Variants in EYS observed in about 807,000 individuals in gnomAD.
The protein encoded by EYS is protein eyes shut homolog.
EYS carries 250 observed loss-of-function variants against 282.1 expected under a neutral mutation model. The observed-to-expected ratio is 0.89, with a 90% confidence interval of 0.80 to 0.98. EYS has a LOEUF of 0.98. Ranked by LOEUF, EYS falls within the 50% of genes least tolerant of loss-of-function variation. The pLI is 0.00. For missense variants in EYS, 4,016 were observed against 3,709.0 expected (o/e 1.08, Z -2.15); for synonymous variants, 1,355 against 1,282.9 (o/e 1.06, Z -1.20).
rs75831552 is a variant in EYS at position 64,590,823 on chromosome 6, C to A, written c.5044G>T (p.Asp1682Tyr). The change falls in exon 26 of 43, where the codon GAT becomes TAT. Residue 1682 changes from aspartate to tyrosine, a missense_variant. By Grantham distance (160) the Asp-to-Tyr change is radical. Coordinates refer to ENST00000503581, the MANE Select transcript of EYS (RefSeq NM_001142800.2). The part of the protein sequence containing the change: ...QTISSDLMNS[D>Y]LTSKMTTDEL... ...TCAGTAGTCATTTTTGAAGTCAAAT[C>A]AGAATTCATCAAGTCTGAAGAGATA... 1.9e-3 allele frequency: 2,894 copies of A among 1,550,210 alleles called. 42 individuals carry two copies. The African/African-American group carries it at 0.035, about 19-fold the overall frequency.
chr6:64,434,244 T>C lies in EYS; in HGVS notation c.5927+1930A>G, dbSNP rs187112722. Among the ~76,000 whole-genome samples the C allele has an allele frequency of 1.6e-4, 25 of 152,184 alleles. No individual in the cohort carries two copies. In the East Asian group the frequency reaches 4.8e-3, roughly 29 times the overall value. Reference sequence around the variant, plus strand: ...AATCAAACCTGTTGTCATTTTGATCTCAGAATTGTGAGACTAAATTGCAAT... The same window carrying C: ...AATCAAACCTGTTGTCATTTTGATCCCAGAATTGTGAGACTAAATTGCAAT... On this transcript the variant is annotated intron_variant, in intron 28 of 42. Coordinates refer to ENST00000503581, the MANE Select transcript of EYS (RefSeq NM_001142800.2).
intron 22 of EYS, among the ~76,000 whole-genome samples, chr6:64,757,744 T>TTGTGTGTGTG (rs66825340): frequency 0.02 from 2,858 of 139,768 alleles, 29 homozygotes; most frequent in Non-Finnish European, 0.024. Flanking sequence ...CTTTTTTTCT[T>TTGTGTGTGTG]TGTGTGTGTG....
intron 22 of EYS, among the ~76,000 whole-genome samples, chr6:64,689,546 T>G (rs960213110): frequency 1.4e-4 from 22 of 152,100 alleles, no homozygotes; most frequent in African/African-American, 5.1e-4. Flanking sequence ...AGAACAAAGC[T>G]GGAGGCATCA....
intron 31 of EYS, among the ~76,000 whole-genome samples, chr6:64,131,909 T>C (rs1228322474): frequency 1.3e-5 from 2 of 152,188 alleles, no homozygotes; most frequent in Non-Finnish European, 2.9e-5. Context: ...GTAACATGAA[T>C]ATGACTAAAC....
At chr6:64,041,648 A>T (rs942473335) in intron 33 of EYS, among the ~76,000 whole-genome samples, 2 of 152,210 alleles carry the variant, frequency 1.3e-5, no homozygotes, top group African/African-American at 4.8e-5. Context: ...TTCAGAAGGC[A>T]ATAACAATCT....
rs151227325 is a variant in EYS, at chr6:65,500,300, A to G, written c.-332-4307T>C. On this transcript the variant is annotated intron_variant, in intron 2 of 42. Transcript: ENST00000503581. ...ATGATAAACAATCCTGGAGAACAATAATATTCAAGAGACAAGTGAAAGAAG... is the reference window on the plus strand; with the variant it reads ...ATGATAAACAATCCTGGAGAACAATGATATTCAAGAGACAAGTGAAAGAAG... Among the ~76,000 whole-genome samples, 53 of 152,152 alleles carry G rather than the reference A, an allele frequency of 3.5e-4. 1 individual carries two copies. In the East Asian group the frequency reaches 4.8e-3, roughly 14 times the overall value.
chr6:64,209,076 A>G (rs1489920247), intron 31 of EYS, among the ~76,000 whole-genome samples: 1 of 152,182 alleles, frequency 6.6e-6, no homozygotes, highest in Non-Finnish European at 1.5e-5. Context: ...CTATCTAAAA[A>G]TAATGAGCTA....
intron 5 of EYS, among the ~76,000 whole-genome samples, chr6:65,427,153 A>G (rs1166981280): frequency 6.6e-6 from 1 of 152,066 alleles, no homozygotes; most frequent in Admixed American, 6.6e-5. Context: ...TTCCACCTTC[A>G]TAAGTAGTCT....
chr6:65,240,992 C>T (rs1039493274), intron 12 of EYS, among the ~76,000 whole-genome samples: 4 of 151,996 alleles, frequency 2.6e-5, no homozygotes, highest in Non-Finnish European at 5.9e-5. Flanking sequence ...ACAGTGTTTT[C>T]CTAAAACATT....
intron 1 of EYS, among the ~76,000 whole-genome samples, chr6:65,699,841 G>A (rs1002677926): frequency 5.3e-5 from 8 of 152,070 alleles, no homozygotes; most frequent in East Asian, 1.9e-4. Context: ...CAGGCCGGGC[G>A]CGGTGGCTCA....
intron 5 of EYS, among the ~76,000 whole-genome samples, chr6:65,467,707 C>T (rs1053277893): frequency 6.6e-6 from 1 of 151,850 alleles, no homozygotes; most frequent in African/African-American, 2.4e-5. Context: ...TTTAATAATG[C>T]TTAATAACAT....
chr6:64,242,471 T>G (rs1265259075), intron 30 of EYS, among the ~76,000 whole-genome samples: 1 of 152,090 alleles, frequency 6.6e-6, no homozygotes, highest in African/African-American at 2.4e-5. Flanking sequence ...AAATACCCTC[T>G]ACATGTTTCA....
intron 33 of EYS, among the ~76,000 whole-genome samples, chr6:64,018,035 C>T (rs572650253): frequency 2.0e-4 from 30 of 152,270 alleles, no homozygotes; most frequent in African/African-American, 6.7e-4. Flanking sequence ...TTATTTATAA[C>T]CATGTCTTAT....
At chr6:64,429,447 A>G (rs747384489) in intron 28 of EYS, among the ~76,000 whole-genome samples, 1 of 152,176 alleles carries the variant, frequency 6.6e-6, no homozygotes, top group Non-Finnish European at 1.5e-5. Flanking sequence ...GCTGGCCAAC[A>G]TGGTGAAACT....
intron 2 of EYS, among the ~76,000 whole-genome samples, chr6:65,589,351 G>T (rs1237194864): frequency 6.6e-6 from 1 of 151,910 alleles, no homozygotes; most frequent in Non-Finnish European, 1.5e-5. Context: ...CTCTTCTTCA[G>T]CCTGTTTCGT....
Position 64,066,418 on chromosome 6 carries a change from C to T in EYS, c.6645G>A (p.Gly2215=), listed in dbSNP as rs376974348. 6.5e-7 allele frequency: 1 copy of T among 1,549,810 alleles called. No homozygotes were observed. The highest frequency in any genetic ancestry group is 1.4e-5 in the African/African-American group (1 of 73,092). ...TCAAAATATTTTGAGAATTTCCACACCCATATTTAACTGATGGCCTTCCTT... is the reference window on the plus strand; with the variant it reads ...TCAAAATATTTTGAGAATTTCCACATCCATATTTAACTGATGGCCTTCCTT... ...LVEGRPSVKY[G]CGNSQNILTV... Residue 2215 remains glycine, a synonymous_variant, in exon 33 of 43, where the codon GGG becomes GGA. Coordinates refer to ENST00000503581, the MANE Select transcript of EYS (RefSeq NM_001142800.2).
intron 24 of EYS, among the ~76,000 whole-genome samples, chr6:64,597,428 C>T (rs1766621731): frequency 6.6e-6 from 1 of 152,138 alleles, no homozygotes; most frequent in African/African-American, 2.4e-5. Context: ...ATGTTTATCA[C>T]AGCACCGTTC....
chr6:64,101,221 G>A (rs918494305), intron 31 of EYS, among the ~76,000 whole-genome samples: 4 of 151,498 alleles, frequency 2.6e-5, no homozygotes, highest in Non-Finnish European at 5.9e-5. Context: ...TTTTTTAGTG[G>A]GAAGGTTTTC....
chr6:64,436,992 G>T (rs1774772911), intron 27 of EYS, among the ~76,000 whole-genome samples: 1 of 151,658 alleles, frequency 6.6e-6, no homozygotes, highest in African/African-American at 2.4e-5. Context: ...AAACTCACTT[G>T]CATTGTGTTT....
Sources: allele counts gnomAD v4.1 joint callset (sites outside exome capture counted in the v4.1 genomes callset), GRCh38; gene constraint gnomAD v4.1.1; transcripts MANE v1.5; gene names NCBI Gene and HGNC (gene_info 2026-07-23, HGNC 2026-07-21).